ITFG1: variants seen among roughly 807,000 people sequenced by gnomAD.
The protein encoded by ITFG1 is T-cell immunomodulatory protein.
ITFG1 carries 34 observed loss-of-function variants against 81.8 expected under a neutral mutation model. That is an observed-to-expected ratio of 0.42 (90% CI 0.32 to 0.55). The LOEUF (loss-of-function observed/expected upper bound fraction) is 0.55. ITFG1 is among the 20% of genes least tolerant of loss of function. The pLI is 0.17. For missense variants in ITFG1, 672 were observed against 755.4 expected (o/e 0.89, Z 1.29); for synonymous variants, 285 against 270.6 (o/e 1.05, Z -0.52).
At chr16:47,168,540 T>A (rs1392868695) in intron 14 of ITFG1, among the ~76,000 whole-genome samples, 1 of 148,552 alleles carries the variant, frequency 6.7e-6, no homozygotes, top group Admixed American at 6.7e-5. Context: ...TCTGGCTAAT[T>A]AAAAGTTTTT....
At chr16:47,207,855 A>G (rs545569636) in intron 14 of ITFG1, among the ~76,000 whole-genome samples, 1 of 151,160 alleles carries the variant, frequency 6.6e-6, no homozygotes, top group East Asian at 2.0e-4. Context: ...TCAACAATAT[A>G]TACTTACTCA....
chr16:47,196,556 A>T (rs899005367), intron 14 of ITFG1: 1 of 152,226 alleles, frequency 6.6e-6, no homozygotes, highest in Non-Finnish European at 1.5e-5. Flanking sequence ...GGCCACAGGA[A>T]ACCTGAAAAC....
intron 12 of ITFG1, among the ~76,000 whole-genome samples, chr16:47,251,020 G>A (rs1966067896): frequency 6.6e-6 from 1 of 152,194 alleles, no homozygotes; most frequent in African/African-American, 2.4e-5. Context: ...GGTGCTTCTA[G>A]TCAGTGCCCT....
intron 13 of ITFG1, among the ~76,000 whole-genome samples, chr16:47,221,575 T>C (rs1268178583): frequency 2.0e-5 from 3 of 152,232 alleles, no homozygotes; most frequent in Admixed American, 6.5e-5. Flanking sequence ...CCGGCTTTGG[T>C]ATCAGGATGA....
At chr16:47,436,167 T>C (rs1326769553) in intron 5 of ITFG1, among the ~76,000 whole-genome samples, 5 of 152,182 alleles carry the variant, frequency 3.3e-5, no homozygotes, top group African/African-American at 1.2e-4. Flanking sequence ...TAGTGATGGT[T>C]CTGGGATAAT....
chr16:47,359,187 G>A (rs1220866227), intron 8 of ITFG1, among the ~76,000 whole-genome samples: 2 of 152,136 alleles, frequency 1.3e-5, no homozygotes, highest in African/African-American at 4.8e-5. Context: ...CTTTGGACAT[G>A]CGCTCCTTCA....
intron 8 of ITFG1, among the ~76,000 whole-genome samples, chr16:47,322,806 ACT>A (rs1333266752): frequency 6.6e-6 from 1 of 152,066 alleles, no homozygotes; most frequent in Non-Finnish European, 1.5e-5. Flanking sequence ...CTTAAAATCT[ACT>A]CTCTTATCAA....
chr16:47,326,172 C>T (rs557507252), intron 8 of ITFG1, among the ~76,000 whole-genome samples: 5 of 152,230 alleles, frequency 3.3e-5, no homozygotes, highest in East Asian at 1.9e-4. Flanking sequence ...GTTCAACATA[C>T]GAAAATCAAT....
chr16:47,344,640 G>A (rs907342795), intron 8 of ITFG1, among the ~76,000 whole-genome samples: 1 of 152,078 alleles, frequency 6.6e-6, no homozygotes, highest in Admixed American at 6.5e-5. Flanking sequence ...ATGTTTGTGG[G>A]TACATAGTAG....
At chr16:47,341,650 A>G (rs1397747663) in intron 8 of ITFG1, among the ~76,000 whole-genome samples, 4 of 152,080 alleles carry the variant, frequency 2.6e-5, no homozygotes, top group Admixed American at 2.0e-4. Context: ...GGATAGACAG[A>G]CCATTAGAAA....
intron 6 of ITFG1, among the ~76,000 whole-genome samples, chr16:47,427,494 T>C (rs993639190): frequency 2.4e-4 from 37 of 151,982 alleles, no homozygotes; most frequent in African/African-American, 8.5e-4. Flanking sequence ...CCGTCTCTAC[T>C]AAAATACAAA....
At chr16:47,309,902 T>G (rs1176570897) in intron 10 of ITFG1, among the ~76,000 whole-genome samples, 1 of 152,228 alleles carries the variant, frequency 6.6e-6, no homozygotes, top group African/African-American at 2.4e-5. Context: ...GAATTTAAAA[T>G]GTAATTTCTT....
chr16:47,434,121 G>A (rs1420720098), intron 5 of ITFG1, among the ~76,000 whole-genome samples: 2 of 151,116 alleles, frequency 1.3e-5, no homozygotes, highest in African/African-American at 4.9e-5. Context: ...AGAAAATCTA[G>A]GCAATACCAC....
intron 14 of ITFG1, among the ~76,000 whole-genome samples, chr16:47,199,261 C>CA (rs1330862979): frequency 8.3e-6 from 1 of 120,514 alleles, no homozygotes; most frequent in Non-Finnish European, 1.7e-5. Context: ...AGCGAGACTC[C>CA]AAAAAAACCC....
chr16:47,216,768 T>A (rs540939256), intron 14 of ITFG1, among the ~76,000 whole-genome samples: 18 of 152,114 alleles, frequency 1.2e-4, no homozygotes, highest in African/African-American at 3.4e-4. Flanking sequence ...TCCAAGTGAT[T>A]CTCATGCCTC....
At chr16:47,372,224 GTC>G (rs1230508599) in intron 7 of ITFG1, among the ~76,000 whole-genome samples, 19 of 151,884 alleles carry the variant, frequency 1.3e-4, no homozygotes, top group Admixed American at 1.2e-3. Flanking sequence ...TCCTTGACAT[GTC>G]TCTGTTTTTT....
chr16:47,417,220 A>T (rs1339459590), intron 6 of ITFG1, among the ~76,000 whole-genome samples: 1 of 152,238 alleles, frequency 6.6e-6, no homozygotes, highest in Non-Finnish European at 1.5e-5. Context: ...CACAACTACA[A>T]TAATTAACAT....
chr16:47,346,110 CAGTTGGTTTCGATATCAG>C (rs1383592346), intron 8 of ITFG1, among the ~76,000 whole-genome samples: 3 of 152,152 alleles, frequency 2.0e-5, no homozygotes, highest in African/African-American at 7.2e-5. Context: ...AAGATGTGTC[CAGTTGGTTTCGATATCAG>C]AGTAATTCTG....
intron 5 of ITFG1, among the ~76,000 whole-genome samples, chr16:47,430,052 CTTTTCTTTT>C (rs1969074443): frequency 2.1e-5 from 3 of 142,810 alleles, no homozygotes; most frequent in African/African-American, 7.7e-5. Flanking sequence ...TGTCTTTTTA[CTTTTCTTTT>C]TTTTTTTTTT....
Sources: allele counts gnomAD v4.1 joint callset (sites outside exome capture counted in the v4.1 genomes callset), GRCh38; gene constraint gnomAD v4.1.1; transcripts MANE v1.5; gene names NCBI Gene and HGNC (gene_info 2026-07-23, HGNC 2026-07-21).